The following BNC2 variants were observed in gnomAD, a reference collection of about 807,000 sequenced individuals.
BNC2 encodes basonuclin zinc finger protein 2.
In BNC2, 20 loss-of-function variants were observed where a neutral mutation model predicts 76.3. The ratio of observed to expected loss-of-function variants is 0.26; its 90% CI spans 0.18 to 0.38. The LOEUF is 0.38. BNC2 is among the 10% of genes least tolerant of loss of function. The pLI is 1.00. For synonymous variants in BNC2, 582 were observed against 514.8 expected (o/e 1.13, Z -1.77); for missense variants, 1,382 against 1,399.8 (o/e 0.99, Z 0.20).
intron 5 of BNC2, among the ~76,000 whole-genome samples, chr9:16,521,488 C>T (rs1414586598): frequency 2.0e-5 from 3 of 152,090 alleles, no homozygotes; most frequent in Admixed American, 6.5e-5. Flanking sequence ...ATAGGTAAAA[C>T]GTGAATGGTT....
At chr9:16,846,879 T>C (rs1332618511) in intron 1 of BNC2, among the ~76,000 whole-genome samples, 6 of 152,208 alleles carry the variant, frequency 3.9e-5, no homozygotes, top group Non-Finnish European at 8.8e-5. Context: ...CAATTTCCAA[T>C]TCACAGATGA....
At chr9:16,647,791 TAGGC>T (rs1452049606) in intron 3 of BNC2, among the ~76,000 whole-genome samples, 2 of 152,184 alleles carry the variant, frequency 1.3e-5, no homozygotes, top group African/African-American at 4.8e-5. Context: ...ATGATCCTCT[TAGGC>T]AGGTTTAATA....
intron 5 of BNC2, among the ~76,000 whole-genome samples, chr9:16,450,746 G>C (rs1821323604): frequency 2.6e-5 from 4 of 152,194 alleles, no homozygotes. Context: ...AAAAGGAAAG[G>C]GAAACATGAA....
chr9:16,633,292 T>C (rs1293336353), intron 3 of BNC2, among the ~76,000 whole-genome samples: 2 of 152,302 alleles, frequency 1.3e-5, no homozygotes, highest in South Asian at 2.1e-4. Context: ...TCTAGTTCTG[T>C]CCCAGTGCAC....
chr9:16,693,603 A>G lies in BNC2; in HGVS notation c.330+34194T>C, dbSNP rs1823248499. ...TAAACTAGAAAACCAAAAAGGAACC[A>G]TAAGACAAAAGCTCTACAGATCATA... On this transcript the variant is annotated intron_variant, in intron 3 of 6. Coordinates refer to ENST00000380672, the MANE Select transcript of BNC2 (RefSeq NM_017637.6). Among the ~76,000 whole-genome samples, 4 of 152,228 alleles carry G rather than the reference A, an allele frequency of 2.6e-5. No individual in the cohort carries two copies. In the South Asian group the frequency reaches 6.2e-4, roughly 24 times the overall value.
rs922057895 is a variant in BNC2 at position 16,620,364 on chromosome 9, C to A, written c.331-37279G>T. Among the ~76,000 whole-genome samples the A allele has an allele frequency of 1.3e-4, 20 of 152,176 alleles. 1 individual carries two copies. The highest frequency in any genetic ancestry group is 3.9e-4 in the Admixed American group (6 of 15,272). ...CTCTTACTGACTGACAAAGAGGCAA[C>A]AGCTAACGGACTTTGCTCGGAGCTT... On this transcript the variant is annotated intron_variant, in intron 3 of 6. Transcript: ENST00000380672.
chr9:16,723,036 CAA>C (rs2134901608), intron 3 of BNC2, among the ~76,000 whole-genome samples: 1 of 152,274 alleles, frequency 6.6e-6, no homozygotes, highest in African/African-American at 2.4e-5. Flanking sequence ...TATTACCACT[CAA>C]ATTAAGAGGG....
intron 6 of BNC2, among the ~76,000 whole-genome samples, chr9:16,420,480 C>A (rs1018880550): frequency 6.6e-6 from 1 of 151,634 alleles, no homozygotes; most frequent in Non-Finnish European, 1.5e-5. Context: ...TAAAACCCAC[C>A]CACCTTTTTA....
Position 16,418,859 on chromosome 9 carries a change from G to C in BNC2, c.*130C>G. The C allele has an allele frequency of 1.1e-6, 1 of 884,534 alleles. No individual in the cohort carries two copies. The highest frequency in any genetic ancestry group is 1.7e-6 in the Non-Finnish European group (1 of 584,794). 54.8% of individuals were successfully genotyped at this position (884,534 alleles called of 1,614,324 possible). On this transcript the variant is annotated 3_prime_UTR_variant, in exon 7 of 7. Coordinates refer to ENST00000380672, the MANE Select transcript of BNC2 (RefSeq NM_017637.6). ...ATACGTGTGTGTATATGTAGCCACA[G>C]AGCATACATAAATGCACACACACAC... is the stretch of plus-strand genomic sequence containing the variant.
intron 1 of BNC2, among the ~76,000 whole-genome samples, chr9:16,845,082 G>A (rs368501914): frequency 4.6e-5 from 7 of 152,156 alleles, no homozygotes; most frequent in African/African-American, 7.2e-5. Flanking sequence ...GCGAACTGAT[G>A]AGTAGGAAGT....
intron 3 of BNC2, among the ~76,000 whole-genome samples, chr9:16,589,399 T>TG (rs1396770756): frequency 6.6e-6 from 1 of 152,118 alleles, no homozygotes; most frequent in Non-Finnish European, 1.5e-5. Flanking sequence ...TTGCCCAGAC[T>TG]GGTCTCAAAC....
chr9:16,738,202 G>C (rs1192143442), intron 2 of BNC2, among the ~76,000 whole-genome samples, 158 bp downstream of exon 2: 1 of 152,116 alleles, frequency 6.6e-6, no homozygotes, highest in Non-Finnish European at 1.5e-5. Context: ...GAAGTGTTAG[G>C]AAGCAAATAA....
chr9:16,605,786 T>C lies in BNC2; in HGVS notation c.331-22701A>G, dbSNP rs200168207. On this transcript the variant is annotated intron_variant, in intron 3 of 6. Transcript: ENST00000380672. The stretch of plus-strand genomic sequence containing the variant: ...AAGAGTCCAACCTTTCAAGAATTCT[T>C]TTTTTTTTTTTTTTTTTTTTGAGAC... 3.1e-3 allele frequency among the ~76,000 whole-genome samples: 449 copies of C among 143,514 alleles called. 10 individuals are homozygous for C. In the East Asian group the frequency reaches 0.04, roughly 13 times the overall value. 94.2% of individuals were successfully genotyped at this position (143,514 alleles called of 152,430 possible). A position where few individuals can be genotyped will look rare whatever the true frequency, so the allele number is the denominator to read the frequency against.
intron 1 of BNC2, among the ~76,000 whole-genome samples, chr9:16,788,058 G>A (rs978985949): frequency 9.2e-5 from 14 of 152,106 alleles, no homozygotes; most frequent in African/African-American, 2.4e-4. Flanking sequence ...TACAGTTCCA[G>A]AAAACTCCTT....
intron 5 of BNC2, among the ~76,000 whole-genome samples, chr9:16,536,760 A>G (rs1361885297): frequency 6.6e-6 from 1 of 152,184 alleles, no homozygotes; most frequent in African/African-American, 2.4e-5. Flanking sequence ...TCTTTCTTCC[A>G]AAGATATATT....
At chr9:16,830,349 G>C (rs78646437) in intron 1 of BNC2, among the ~76,000 whole-genome samples, 1 of 152,068 alleles carries the variant, frequency 6.6e-6, no homozygotes, top group East Asian at 1.9e-4. Context: ...CAAAATCTTC[G>C]AACGCTCAAA....
At chr9:16,540,744 C>T (rs1292565865) in intron 5 of BNC2, among the ~76,000 whole-genome samples, 3 of 152,122 alleles carry the variant, frequency 2.0e-5, no homozygotes, top group South Asian at 2.1e-4. Context: ...GCTACAAAGG[C>T]GCTAATGACA....
At chr9:16,451,708 T>C (rs567309665) in intron 5 of BNC2, among the ~76,000 whole-genome samples, 1 of 152,152 alleles carries the variant, frequency 6.6e-6, no homozygotes, top group Admixed American at 6.5e-5. Context: ...TCCTCTCCTA[T>C]CTTTTTCCTT....
chr9:16,591,580 T>C (rs1819930021), intron 3 of BNC2, among the ~76,000 whole-genome samples: 1 of 152,190 alleles, frequency 6.6e-6, no homozygotes, highest in South Asian at 2.1e-4. Flanking sequence ...GAATGAACAA[T>C]GCACACAGAA....
Sources: gnomAD v4.1 joint callset for allele counts (sites outside exome capture counted in the v4.1 genomes callset) on GRCh38, gnomAD v4.1.1 for gene constraint, MANE v1.5 for transcripts, NCBI Gene and HGNC (gene_info 2026-07-23, HGNC 2026-07-21) for gene names.